The following PTPRA variants were observed in gnomAD, a reference collection of about 807,000 sequenced individuals.
PTPRA encodes the protein receptor-type tyrosine-protein phosphatase alpha.
PTPRA carries 25 observed loss-of-function variants against 104.8 expected under a neutral mutation model. The ratio of observed to expected loss-of-function variants is 0.24; its 90% CI spans 0.17 to 0.33. The LOEUF is 0.33. Among genes scored for constraint, PTPRA ranks in the 10% least tolerant of loss-of-function variants. The pLI is 1.00. For missense variants in PTPRA, 765 were observed against 1,015.3 expected (o/e 0.75, Z 3.35); for synonymous variants, 323 against 368.9 (o/e 0.88, Z 1.43).
At chr20:2,864,549 C>T in the PTPRA span, 1 of 1,614,160 alleles carries the variant, frequency 6.2e-7, no homozygotes, top group Non-Finnish European at 8.5e-7. This position sits in a 1 kb window ranked among gnomAD's most constrained non-coding sequence, Gnocchi z 5.2. Context: ...GGCCCCAGTT[C>T]TGTAAGCATC....
chr20:3,005,404 G>A (rs1332460340), intron 10 of PTPRA, among the ~76,000 whole-genome samples: 1 of 152,030 alleles, frequency 6.6e-6, no homozygotes, highest in Admixed American at 6.6e-5. Context: ...TAAAAAATTA[G>A]CCAGGCATGG....
chr20:3,004,729 A>G lies in PTPRA; in HGVS notation c.739-327A>G, dbSNP rs557542408. On this transcript the variant is annotated intron_variant, in intron 9 of 23. Coordinates refer to ENST00000399903, the MANE Select transcript of PTPRA (RefSeq NM_001385305.1). ...TTCCTTCAGGTATGTCCCCATTCCA[A>G]TTTACAAGGGTAGGCCCTTTTGGCC... 2.5e-4 allele frequency among the ~76,000 whole-genome samples: 38 copies of G among 152,308 alleles called. 1 individual carries two copies. The highest frequency in any genetic ancestry group is 2.0e-3 in the Admixed American group (30 of 15,298).
chr20:3,005,189 A>G (rs1018425308), intron 10 of PTPRA, 43 bp downstream of exon 10: 6 of 1,507,672 alleles, frequency 4.0e-6, no homozygotes, highest in South Asian at 1.1e-5. Flanking sequence ...CTGAAATTAC[A>G]TCTCTGGAGG....
chr20:2,991,801 C>G (rs1234347528), intron 9 of PTPRA, among the ~76,000 whole-genome samples: 1 of 152,216 alleles, frequency 6.6e-6, no homozygotes, highest in East Asian at 1.9e-4. Context: ...GGGTTTCTAG[C>G]AATGAGTGCC....
chr20:3,012,358 AC>A (rs1244563811), intron 11 of PTPRA, among the ~76,000 whole-genome samples: 2 of 152,214 alleles, frequency 1.3e-5, no homozygotes, highest in African/African-American at 4.8e-5. Flanking sequence ...CAAAGTGAAA[AC>A]TACGTGGAGG....
At chr20:2,924,986 GT>G (rs1321147702) in intron 2 of PTPRA, among the ~76,000 whole-genome samples, 4 of 151,998 alleles carry the variant, frequency 2.6e-5, no homozygotes, top group Admixed American at 6.6e-5. Flanking sequence ...GCCTGAAAAG[GT>G]TTTACATCTT....
At chr20:2,865,137 C>T in the PTPRA span, 1,327 of 1,614,092 alleles carry the variant, frequency 8.2e-4, 10 homozygotes, top group African/African-American at 0.015. The surrounding 1 kb of genome is among the most constrained non-coding windows in gnomAD (Gnocchi z 5.2). Context: ...CCTCATTATC[C>T]GGGTCCCCAG....
intron 2 of PTPRA, among the ~76,000 whole-genome samples, chr20:2,928,143 T>C (rs898184233): frequency 6.6e-6 from 1 of 152,062 alleles, no homozygotes; most frequent in Non-Finnish European, 1.5e-5. Context: ...TGTTGTTGTT[T>C]GTTTGTTTTG....
intron 2 of PTPRA, among the ~76,000 whole-genome samples, chr20:2,924,627 G>T (rs1427091321): frequency 6.6e-6 from 1 of 152,168 alleles, no homozygotes; most frequent in East Asian, 1.9e-4. Flanking sequence ...CTGACAGGAG[G>T]TGGGAGGTTG....
At chr20:3,005,249 T>A in intron 10 of PTPRA, 103 bp downstream of exon 10, 1 of 1,151,742 alleles carries the variant, frequency 8.7e-7, no homozygotes, top group Non-Finnish European at 1.3e-6. Context: ...GCAGGGTGAA[T>A]AACAAGAGTG....
At chr20:2,948,433 C>G (rs2147762915) in intron 3 of PTPRA, among the ~76,000 whole-genome samples, 2 of 152,340 alleles carry the variant, frequency 1.3e-5, no homozygotes, top group East Asian at 3.9e-4. Context: ...TTCAGCAGTT[C>G]ATCCATTCTC....
chr20:2,927,978 G>A (rs1255428528), intron 2 of PTPRA, among the ~76,000 whole-genome samples: 2 of 152,028 alleles, frequency 1.3e-5, no homozygotes, highest in East Asian at 1.9e-4. Context: ...CCATTGCACT[G>A]CAGCCTAGGC....
chr20:2,940,263 A>C (rs1354526460), intron 2 of PTPRA, among the ~76,000 whole-genome samples: 3 of 152,032 alleles, frequency 2.0e-5, no homozygotes, highest in African/African-American at 4.8e-5. Flanking sequence ...AGTCTTTCAA[A>C]TACAAATAAC....
intron 9 of PTPRA, among the ~76,000 whole-genome samples, chr20:2,989,490 A>G (rs1488217495): frequency 6.6e-6 from 1 of 151,706 alleles, no homozygotes; most frequent in Non-Finnish European, 1.5e-5. Context: ...ATCATAGGCA[A>G]GGGTGGTGGG....
intron 11 of PTPRA, among the ~76,000 whole-genome samples, chr20:3,010,662 A>G (rs1247411105): frequency 6.6e-6 from 1 of 152,130 alleles, no homozygotes; most frequent in Non-Finnish European, 1.5e-5. Context: ...AAAAAAAATA[A>G]ACACAGCATC....
chr20:2,864,250 A>C, the PTPRA span: 1 of 1,614,242 alleles, frequency 6.2e-7, no homozygotes, highest in Non-Finnish European at 8.5e-7. This position sits in a 1 kb window ranked among gnomAD's most constrained non-coding sequence, Gnocchi z 5.2. Context: ...GCAAACTGGC[A>C]CTAAGCAAGG....
chr20:2,866,905 C>T, the PTPRA span, among the ~76,000 whole-genome samples: 1 of 152,252 alleles, frequency 6.6e-6, no homozygotes, highest in South Asian at 2.1e-4. Flanking sequence ...AAAGCTTTCT[C>T]TATCTCACAG....
chr20:2,886,440 A>G (rs904106207), intron 1 of PTPRA, among the ~76,000 whole-genome samples: 5 of 152,190 alleles, frequency 3.3e-5, no homozygotes, highest in Admixed American at 1.3e-4. Context: ...AGGGTTTATT[A>G]TAGTATTTTC....
At chr20:3,023,624 C>T (rs562615240) in intron 16 of PTPRA, among the ~76,000 whole-genome samples, 2 of 152,270 alleles carry the variant, frequency 1.3e-5, no homozygotes, top group South Asian at 4.1e-4. Flanking sequence ...GACACAGAGT[C>T]CTTTGCTCAC....
Sources: gnomAD v4.1 joint callset for allele counts (sites outside exome capture counted in the v4.1 genomes callset) on GRCh38, gnomAD v4.1.1 for gene constraint, Gnocchi (gnomAD v3.1) non-coding constraint, MANE v1.5 for transcripts, NCBI Gene and HGNC (gene_info 2026-07-23, HGNC 2026-07-21) for gene names.